The following CPVL variants were observed in gnomAD, a reference collection of about 807,000 sequenced individuals.
CPVL encodes the protein carboxypeptidase vitellogenic like.
CPVL carries 51 observed loss-of-function variants against 63.7 expected under a neutral mutation model. That is an observed-to-expected ratio of 0.80 (90% CI 0.64 to 1.01). CPVL has a LOEUF of 1.01. Ranked by LOEUF, CPVL falls within the 50% of genes least tolerant of loss-of-function variation. The probability of loss-of-function intolerance (pLI) is 0.00; values close to 1 mark genes in which losing one functional copy is unlikely to be tolerated. For missense variants in CPVL, 530 were observed against 573.1 expected (o/e 0.92, Z 0.77); for synonymous variants, 195 against 206.0 (o/e 0.95, Z 0.46).
At chr7:29,081,072 G>A (rs970797513) in intron 7 of CPVL, among the ~76,000 whole-genome samples, 1 of 152,108 alleles carries the variant, frequency 6.6e-6, no homozygotes, top group African/African-American at 2.4e-5. Context: ...AACAATGGGC[G>A]GTCCCCCTGA....
At chr7:29,097,402 A>T (rs1269503336) in intron 3 of CPVL, among the ~76,000 whole-genome samples, 6 of 152,204 alleles carry the variant, frequency 3.9e-5, no homozygotes, top group Admixed American at 2.0e-4. Flanking sequence ...GTAAGTAAGA[A>T]ATAAAGACAA....
chr7:29,088,119 T>C (rs1327749409), intron 6 of CPVL, among the ~76,000 whole-genome samples: 1 of 152,246 alleles, frequency 6.6e-6, no homozygotes, highest in African/African-American at 2.4e-5. Flanking sequence ...TAAAGCTTAT[T>C]TCCTTGTAGT....
intron 7 of CPVL, among the ~76,000 whole-genome samples, chr7:29,079,587 A>G (rs1784510101): frequency 6.6e-6 from 1 of 152,232 alleles, no homozygotes; most frequent in Non-Finnish European, 1.5e-5. Context: ...TCCATTCTCA[A>G]TAAATATTCT....
At chr7:29,145,332 T>A (rs1792396690) in intron 1 of CPVL, among the ~76,000 whole-genome samples, 1 of 152,070 alleles carries the variant, frequency 6.6e-6, no homozygotes, top group African/African-American at 2.4e-5. Context: ...GAGGGGCTCC[T>A]TTTTCATTTA....
At chr7:29,022,251 C>T (rs540835664) in intron 12 of CPVL, among the ~76,000 whole-genome samples, 47 of 152,264 alleles carry the variant, frequency 3.1e-4, no homozygotes, top group Middle Eastern at 3.4e-3. Context: ...TCAACCCGGT[C>T]TGCTTGCCAC....
At chr7:29,020,423 CCTGA>C (rs143072095) in intron 12 of CPVL, among the ~76,000 whole-genome samples, 21,507 of 152,052 alleles carry the variant, frequency 0.14, 1,564 homozygotes, top group Middle Eastern at 0.23. Flanking sequence ...TTTCCTGAAT[CCTGA>C]CTATTACTAT....
At chr7:29,025,809 C>T (rs981625715) in intron 12 of CPVL, among the ~76,000 whole-genome samples, 1 of 152,032 alleles carries the variant, frequency 6.6e-6, no homozygotes, top group Non-Finnish European at 1.5e-5. Context: ...CACTGGAGCA[C>T]CCAAATATAT....
chr7:29,146,481 G>C lies in CPVL; in HGVS notation c.-63C>G, dbSNP rs1293169237. 11 of 1,441,016 alleles carry C rather than the reference G, an allele frequency of 7.6e-6. No homozygotes were observed. The African/African-American group carries it at 1.0e-4, about 13-fold the overall frequency. 89.3% of individuals were successfully genotyped at this position (1,441,016 alleles called of 1,614,324 possible). On this transcript the variant is annotated 5_prime_UTR_variant, in exon 1 of 13. Coordinates refer to ENST00000265394, the MANE Select transcript of CPVL (RefSeq NM_031311.5). ...CCGCGGCGCGCAAGGACCCCAGCCG[G>C]TTGTCCTTGCAGCGCTTCCCAAATC...
chr7:29,093,401 AAG>A (rs1415332281), intron 5 of CPVL, among the ~76,000 whole-genome samples: 1 of 149,062 alleles, frequency 6.7e-6, no homozygotes, highest in Non-Finnish European at 1.5e-5. Context: ...AAAAAAAAGA[AAG>A]AAACTCTTTA....
At chr7:29,053,801 C>T (rs1790431868) in intron 11 of CPVL, among the ~76,000 whole-genome samples, 1 of 151,304 alleles carries the variant, frequency 6.6e-6, no homozygotes, top group South Asian at 2.1e-4. Flanking sequence ...ACCTGTAATC[C>T]CAGCACTTTG....
At chr7:29,052,238 A>G (rs1224224675) in intron 11 of CPVL, among the ~76,000 whole-genome samples, 2 of 151,970 alleles carry the variant, frequency 1.3e-5, no homozygotes, top group East Asian at 3.9e-4. Context: ...AATCACCACT[A>G]AAGAACTTAC....
intron 1 of CPVL, among the ~76,000 whole-genome samples, chr7:29,132,541 G>A (rs145471040): frequency 7.9e-4 from 120 of 152,238 alleles, no homozygotes; most frequent in African/African-American, 2.8e-3. Flanking sequence ...ATGAAACGGT[G>A]CTTTTCTCTC....
At chr7:29,121,205 G>T in intron 1 of CPVL, 134 bp from the exon 2 acceptor site, 1 of 740,776 alleles carries the variant, frequency 1.3e-6, no homozygotes, top group Non-Finnish European at 2.1e-6. Context: ...ACCTTGGATA[G>T]CACCATAAAT....
At chr7:29,013,315 G>A (rs982950642) in intron 12 of CPVL, 7 of 152,160 alleles carry the variant, frequency 4.6e-5, no homozygotes, top group African/African-American at 1.4e-4. Flanking sequence ...CCACCCAGCT[G>A]AGCTCACTCA....
intron 1 of CPVL, among the ~76,000 whole-genome samples, chr7:29,129,834 A>C (rs1790497240): frequency 6.6e-6 from 1 of 152,216 alleles, no homozygotes; most frequent in African/African-American, 2.4e-5. Context: ...GGATTAGGGC[A>C]GGGCTTTCAT....
chr7:29,055,678 T>C (rs1790660097), intron 11 of CPVL, among the ~76,000 whole-genome samples: 2 of 152,192 alleles, frequency 1.3e-5, no homozygotes, highest in Non-Finnish European at 1.5e-5. Context: ...TCACTTTACT[T>C]GGGCCCACAG....
At chr7:29,175,159 A>G (rs1797125313) in intron 5 of CPVL, among the ~76,000 whole-genome samples, 1 of 150,390 alleles carries the variant, frequency 6.6e-6, no homozygotes, top group African/African-American at 2.4e-5. Context: ...ATGAGATGTG[A>G]TGATTTCTTT....
At chr7:29,190,291 G>A (rs770500443) in intron 1 of CPVL, among the ~76,000 whole-genome samples, 2 of 152,202 alleles carry the variant, frequency 1.3e-5, no homozygotes, top group Non-Finnish European at 2.9e-5. Context: ...TTTAAAGCTA[G>A]TTGACGAATA....
In CPVL at chr7:29,071,682, T is replaced by C. The variant is rs543025418; in HGVS notation, c.864+91A>G. 27 of 1,436,642 alleles carry C rather than the reference T, an allele frequency of 1.9e-5. No homozygotes were observed. In the South Asian group the frequency reaches 3.5e-4, roughly 19 times the overall value. 89.0% of individuals were successfully genotyped at this position (1,436,642 alleles called of 1,614,324 possible). ...CAGATATACCTTCTTAACAAAAAAATGCCTGAGCACCAAGGTGTTCCTGCT... is the reference window on the plus strand; with the variant it reads ...CAGATATACCTTCTTAACAAAAAAACGCCTGAGCACCAAGGTGTTCCTGCT... On this transcript the variant is annotated intron_variant, in intron 9 of 12. Transcript: ENST00000265394.
Sources: allele counts gnomAD v4.1 joint callset (sites outside exome capture counted in the v4.1 genomes callset), GRCh38; gene constraint gnomAD v4.1.1; transcripts MANE v1.5; gene names NCBI Gene and HGNC (gene_info 2026-07-23, HGNC 2026-07-21).